The following DRC3 variants were observed in gnomAD, a reference collection of about 807,000 sequenced individuals.
DRC3 encodes the protein leucine rich repeat containing 48.
In DRC3, 45 loss-of-function variants were observed where a neutral mutation model predicts 57.6. The ratio of observed to expected loss-of-function variants is 0.78; its 90% CI spans 0.62 to 1.00. DRC3 has a LOEUF of 1.00. Ranked by LOEUF, DRC3 falls within the 50% of genes least tolerant of loss-of-function variation. DRC3 has a pLI of 0.00. For synonymous variants in DRC3, 257 were observed against 272.3 expected (o/e 0.94, Z 0.55); for missense variants, 655 against 675.2 (o/e 0.97, Z 0.33).
intron 8 of DRC3, among the ~76,000 whole-genome samples, 164 bp from the exon 9 acceptor site, chr17:17,997,296 T>C (rs752227684): frequency 1.3e-5 from 2 of 152,208 alleles, no homozygotes. Flanking sequence ...CTCTGGGCCT[T>C]TGATTTCTTC....
In DRC3 at chr17:17,993,929, C is replaced by T. The variant is rs1313888296; in HGVS notation, c.592-370C>T. 14 of 246,982 alleles carry T rather than the reference C, an allele frequency of 5.7e-5. No individual in the cohort carries two copies. The East Asian group carries it at 1.5e-3, about 27-fold the overall frequency. 15.3% of individuals were successfully genotyped at this position (246,982 alleles called of 1,614,324 possible). ...CCTTCCCTAAAAGAGGGCCAGAAGG[C>T]CTGCTGAGGGCTGTTGGGAGTGAGA... On this transcript the variant is annotated intron_variant, in intron 6 of 13. Coordinates refer to ENST00000399187, the MANE Select transcript of DRC3 (RefSeq NM_031294.4).
chr17:18,008,653 T>C lies in DRC3; in HGVS notation c.1326+1506T>C, dbSNP rs140629053. Among the ~76,000 whole-genome samples the C allele has an allele frequency of 4.9e-4, 74 of 152,304 alleles. No individual in the cohort carries two copies. Among genetic ancestry groups the C allele is most frequent in the Non-Finnish European group, 8.1e-4 (55 of 68,022 alleles). ...CAGACAGACACCCAACATAGCAGTG[T>C]GGTGATAGGGTCACCGTGACACCAG... On this transcript the variant is annotated intron_variant, in intron 12 of 13. Coordinates refer to ENST00000399187, the MANE Select transcript of DRC3 (RefSeq NM_031294.4). This position sits in a 1 kb window ranked among gnomAD's most constrained non-coding sequence, Gnocchi z 4.3.
intron 3 of DRC3, chr17:17,981,275 G>T: frequency 3.7e-6 from 1 of 269,574 alleles, no homozygotes; most frequent in Non-Finnish European, 8.2e-6. Flanking sequence ...ATGATGGCCA[G>T]GAGGATTCCC....
intron 4 of DRC3, among the ~76,000 whole-genome samples, chr17:17,984,649 C>T (rs2145255731): frequency 6.6e-6 from 1 of 152,242 alleles, no homozygotes; most frequent in Non-Finnish European, 1.5e-5. Context: ...GTTATAATCC[C>T]AATCTACAGA....
intron 3 of DRC3, among the ~76,000 whole-genome samples, chr17:17,978,778 T>C (rs2042515177): frequency 6.6e-6 from 1 of 152,138 alleles, no homozygotes; most frequent in South Asian, 2.1e-4. Context: ...GAGGGGGCTT[T>C]TGCAGCTGAC....
chr17:18,006,394 G>A, intron 11 of DRC3, 141 bp downstream of exon 11: 1 of 651,884 alleles, frequency 1.5e-6, no homozygotes, highest in Non-Finnish European at 2.7e-6. Flanking sequence ...GGTTAGAGCT[G>A]TGGTTTGGAT....
chr17:17,977,523 A>C, intron 2 of DRC3, 59 bp from the exon 3 acceptor site: 1 of 1,601,162 alleles, frequency 6.2e-7, no homozygotes, highest in Non-Finnish European at 8.5e-7. Flanking sequence ...CCTCAGCCAG[A>C]CCCTGCCCTC....
At chr17:17,990,835 A>G (rs1022192464) in intron 5 of DRC3, among the ~76,000 whole-genome samples, 1 of 152,148 alleles carries the variant, frequency 6.6e-6, no homozygotes, top group Admixed American at 6.5e-5. Context: ...TACTAAAAAT[A>G]TAAAAATGAG....
At chr17:17,982,674 A>G (rs1218498167) in intron 3 of DRC3, among the ~76,000 whole-genome samples, 2 of 146,722 alleles carry the variant, frequency 1.4e-5, no homozygotes, top group African/African-American at 5.1e-5. Flanking sequence ...TCCCTGGTTC[A>G]AGCGATTCTC....
chr17:18,004,239 C>A, intron 9 of DRC3, 124 bp from the exon 10 acceptor site: 1 of 1,041,042 alleles, frequency 9.6e-7, no homozygotes, highest in Non-Finnish European at 1.4e-6. Context: ...AATGGCAAAG[C>A]TGAGACTTGC....
rs534089710 is a variant in DRC3, at chr17:18,008,720, A to T, written c.1326+1573A>T. ...TGATAACTGCAGCTAATTGCTATTGACCAGACACAGGAAAACACCACCTTC... is the reference window on the plus strand; with the variant it reads ...TGATAACTGCAGCTAATTGCTATTGTCCAGACACAGGAAAACACCACCTTC... On this transcript the variant is annotated intron_variant, in intron 12 of 13. Transcript: ENST00000399187. This position sits in a 1 kb window ranked among gnomAD's most constrained non-coding sequence, Gnocchi z 4.3. Among the ~76,000 whole-genome samples, 1 of 152,270 alleles carries T rather than the reference A, an allele frequency of 6.6e-6. No homozygotes were observed. The highest frequency in any genetic ancestry group is 2.1e-4 in the South Asian group (1 of 4,826).
At chr17:18,007,338 C>A in intron 12 of DRC3, 191 bp downstream of exon 12, 1 of 1,499,110 alleles carries the variant, frequency 6.7e-7, no homozygotes. Context: ...GGTGGGGCAC[C>A]CAGTGGGGCC....
chr17:18,012,949 C>T (rs1274124846), intron 12 of DRC3, among the ~76,000 whole-genome samples: 1 of 152,102 alleles, frequency 6.6e-6, no homozygotes, highest in Non-Finnish European at 1.5e-5. Context: ...ACAATGAACT[C>T]TAACATCTCA....
Position 18,016,199 on chromosome 17 carries a change from A to C in DRC3, c.1458+4A>C. On this transcript the variant is annotated splice_donor_region_variant and intron_variant, in intron 13 of 13. Transcript: ENST00000399187. ...GTGTACACGTTTAATAGACAGGGTG[A>C]GTCAATCCCAAGCCATCCTAGCAGG... is the stretch of plus-strand genomic sequence containing the variant. 1 of 1,613,256 alleles carries C rather than the reference A, an allele frequency of 6.2e-7. No homozygotes were observed.
At chr17:17,994,447 GGCCCCCTCAGAT>G in intron 7 of DRC3, 29 bp downstream of exon 7, 1 of 1,548,178 alleles carries the variant, frequency 6.5e-7, no homozygotes. Context: ...GCACGCCCTC[GGCCCCCTCAGAT>G]GCCCACAAGA....
At position 17,983,845 on chromosome 17, in the gene DRC3, A is replaced by C. The variant is rs2042828993; in HGVS notation, c.178A>C (p.Asn60His). 5 of 1,612,998 alleles carry C rather than the reference A, an allele frequency of 3.1e-6. No individual in the cohort carries two copies. In the East Asian group the frequency reaches 1.1e-4, roughly 36 times the overall value. Residue 60 changes from asparagine (N) to histidine (H), a missense_variant, in exon 4 of 14, where the codon AAC becomes CAC. By Grantham distance (68) the Asn-to-His change is moderately conservative. Coordinates refer to ENST00000399187, the MANE Select transcript of DRC3 (RefSeq NM_031294.4). The stretch of plus-strand genomic sequence containing the variant: ...TATTTCAGACATCCTCCGCATAGAC[A>C]ACCTCTGGCAGTTTGAGAACTTGAG... ...LDFRNILRID[N>H]LWQFENLRKL...
intron 12 of DRC3, chr17:18,007,854 T>A: frequency 1.3e-5 from 13 of 1,008,710 alleles, no homozygotes; most frequent in Non-Finnish European, 1.5e-5. Context: ...CTTCTCTCTG[T>A]CGCGACATCA....
intron 10 of DRC3, chr17:18,005,059 C>T (rs2145415636): frequency 6.5e-6 from 1 of 153,256 alleles, no homozygotes. Context: ...CAATTCCTCA[C>T]ACGTCAAGTG....
rs1391499282 is a variant in DRC3 at position 17,994,992 on chromosome 17, C to T, written c.712-7C>T. ...GCCGTCCTACCTACGTGTGTTTCTGCCTGCAGACTGCGTTTGTGGAACACC... is the reference window on the plus strand; with the variant it reads ...GCCGTCCTACCTACGTGTGTTTCTGTCTGCAGACTGCGTTTGTGGAACACC... On this transcript the variant is annotated splice_polypyrimidine_tract_variant and splice_region_variant and intron_variant, in intron 7 of 13. Transcript: ENST00000399187. 6.2e-7 allele frequency: 1 copy of T among 1,611,768 alleles called. No homozygotes were observed. The highest frequency in any genetic ancestry group is 8.5e-7 in the Non-Finnish European group (1 of 1,177,890).
Sources: allele counts gnomAD v4.1 joint callset (sites outside exome capture counted in the v4.1 genomes callset), GRCh38; gene constraint gnomAD v4.1.1; non-coding constraint Gnocchi (gnomAD v3.1); transcripts MANE v1.5; gene names NCBI Gene and HGNC (gene_info 2026-07-23, HGNC 2026-07-21).